Variants in ACTR3C observed in about 807,000 individuals in gnomAD.
ACTR3C encodes actin-related protein 3C.
In ACTR3C, 18 loss-of-function variants were observed where a neutral mutation model predicts 26.3. The ratio of observed to expected loss-of-function variants is 0.68; its 90% CI spans 0.47 to 1.01. ACTR3C has a LOEUF of 1.01. Among genes scored for constraint, ACTR3C ranks in the 50% least tolerant of loss-of-function variants. The pLI is 0.00. For missense variants in ACTR3C, 184 were observed against 250.7 expected (o/e 0.73, Z 1.80); for synonymous variants, 55 against 94.5 (o/e 0.58, Z 2.42).
At chr7:150,052,690 G>T in the ACTR3C span, among the ~76,000 whole-genome samples, 1 of 106,612 alleles carries the variant, frequency 9.4e-6, no homozygotes, top group Non-Finnish European at 2.0e-5. Context: ...AAGGTTTATC[G>T]CCAGGTGAGC....
the ACTR3C span, among the ~76,000 whole-genome samples, chr7:150,139,161 T>C: frequency 3.1e-4 from 47 of 152,038 alleles, 1 homozygote; most frequent in South Asian, 4.2e-3. Context: ...CATGGAAAAA[T>C]TGTCTTCCAT....
chr7:150,198,524 T>C, the ACTR3C span, among the ~76,000 whole-genome samples: 57 of 142,462 alleles, frequency 4.0e-4, 1 homozygote, highest in African/African-American at 1.5e-3. Context: ...GGAGCGCCTC[T>C]GCCCGGCCGA....
At chr7:150,137,102 C>T in the ACTR3C span, among the ~76,000 whole-genome samples, 1 of 152,216 alleles carries the variant, frequency 6.6e-6, no homozygotes, top group Admixed American at 6.5e-5. Flanking sequence ...CACTCACCTG[C>T]TGCTCACCTC....
At chr7:150,138,244 T>C in the ACTR3C span, among the ~76,000 whole-genome samples, 22 of 152,104 alleles carry the variant, frequency 1.4e-4, no homozygotes, top group African/African-American at 5.3e-4. Flanking sequence ...AACGTCAATA[T>C]TGAAAGTTCA....
chr7:150,076,405 A>T, the ACTR3C span: 7 of 152,178 alleles, frequency 4.6e-5, no homozygotes, highest in Non-Finnish European at 1.0e-4. Flanking sequence ...TACTGATCAG[A>T]TTATCTGAAT....
At chr7:150,036,363 G>C in the ACTR3C span, among the ~76,000 whole-genome samples, 1 of 147,658 alleles carries the variant, frequency 6.8e-6, no homozygotes, top group Non-Finnish European at 1.5e-5. Context: ...AGAGACGTAG[G>C]CTACGGGCCT....
the ACTR3C span, among the ~76,000 whole-genome samples, chr7:150,036,250 T>C: frequency 3.7e-4 from 54 of 146,592 alleles, no homozygotes; most frequent in African/African-American, 1.3e-3. Context: ...ATGTTCAGGT[T>C]TTGCCCAAGA....
the ACTR3C span, among the ~76,000 whole-genome samples, chr7:149,955,307 AT>A: frequency 1.3e-5 from 2 of 152,354 alleles, no homozygotes; most frequent in East Asian, 3.9e-4. Flanking sequence ...GACCAAAGGA[AT>A]TTAGGAACAG....
At chr7:150,029,276 C>T in the ACTR3C span, among the ~76,000 whole-genome samples, 1 of 151,792 alleles carries the variant, frequency 6.6e-6, no homozygotes, top group Non-Finnish European at 1.5e-5. Context: ...AAACGAGTCT[C>T]TTGCCAGGCA....
the ACTR3C span, among the ~76,000 whole-genome samples, chr7:150,133,207 A>AGCTTTGTAACAGCTGAACAGCTGT: frequency 1.3e-5 from 2 of 152,180 alleles, no homozygotes; most frequent in African/African-American, 4.8e-5. Context: ...GTTGGACGCG[A>AGCTTTGTAACAGCTGAACAGCTGT]GCTTTGTAAC....
At chr7:150,190,991 A>G in the ACTR3C span, among the ~76,000 whole-genome samples, 1 of 152,154 alleles carries the variant, frequency 6.6e-6, no homozygotes, top group Non-Finnish European at 1.5e-5. Context: ...CCATGATTCA[A>G]TTACCTCCCA....
chr7:150,142,616 C>G, the ACTR3C span, among the ~76,000 whole-genome samples: 1 of 152,006 alleles, frequency 6.6e-6, no homozygotes, highest in Admixed American at 6.5e-5. Flanking sequence ...GCAACCTCCG[C>G]CTCCCGGGTT....
chr7:149,929,191 G>A, the ACTR3C span, among the ~76,000 whole-genome samples: 3 of 152,212 alleles, frequency 2.0e-5, no homozygotes, highest in Middle Eastern at 3.4e-3. Context: ...ACTTTGGGAG[G>A]CCAAGGCGGG....
the ACTR3C span, among the ~76,000 whole-genome samples, chr7:150,055,241 G>C: frequency 5.3e-5 from 8 of 152,216 alleles, no homozygotes; most frequent in Non-Finnish European, 1.0e-4. Flanking sequence ...CTCAGGGCTG[G>C]GGCCAGGCAA....
chr7:150,241,104 TG>T (rs1832152256), downstream of ACTR3C, among the ~76,000 whole-genome samples: 1 of 151,962 alleles, frequency 6.6e-6, no homozygotes, highest in Non-Finnish European at 1.5e-5. Flanking sequence ...CAATACTGTA[TG>T]ATATTCATTA....
chr7:150,317,908 A>G (rs900323865), intron 1 of ACTR3C, among the ~76,000 whole-genome samples: 1 of 151,878 alleles, frequency 6.6e-6, no homozygotes, highest in Non-Finnish European at 1.5e-5. Flanking sequence ...GGCTCCTTGC[A>G]AGGAGGAGGA....
At chr7:150,279,692 A>AC (rs921982372) in intron 6 of ACTR3C, among the ~76,000 whole-genome samples, 27 of 151,628 alleles carry the variant, frequency 1.8e-4, no homozygotes, top group African/African-American at 6.5e-4. Flanking sequence ...CTGTCCACCC[A>AC]CCCCCAGCTC....
chr7:150,180,925 C>T, the ACTR3C span, among the ~76,000 whole-genome samples: 5 of 151,232 alleles, frequency 3.3e-5, no homozygotes, highest in Admixed American at 6.6e-5. Context: ...CATGCTTCCA[C>T]GTGGTCATAT....
the ACTR3C span, among the ~76,000 whole-genome samples, chr7:150,034,858 G>T: frequency 2.1e-4 from 31 of 149,752 alleles, 1 homozygote; most frequent in East Asian, 5.2e-3. Context: ...AAGAGCCAGT[G>T]GGGGAACAGG....
Sources: gnomAD v4.1 joint callset for allele counts (sites outside exome capture counted in the v4.1 genomes callset) on GRCh38, gnomAD v4.1.1 for gene constraint, MANE v1.5 for transcripts, NCBI Gene and HGNC (gene_info 2026-07-23, HGNC 2026-07-21) for gene names.